Variants in MYCBP2 observed in about 807,000 individuals in gnomAD.
MYCBP2 encodes E3 ubiquitin-protein ligase MYCBP2.
MYCBP2 carries 120 observed loss-of-function variants against 525.3 expected under a neutral mutation model. The ratio of observed to expected loss-of-function variants is 0.23; its 90% CI spans 0.20 to 0.27. MYCBP2 has a LOEUF of 0.27. Ranked by LOEUF, MYCBP2 falls within the 10% of genes least tolerant of loss-of-function variation. The probability of loss-of-function intolerance (pLI) is 1.00; values close to 1 mark genes in which losing one functional copy is unlikely to be tolerated. For missense variants in MYCBP2, 4,149 were observed against 5,657.1 expected (o/e 0.73, Z 8.55); for synonymous variants, 1,894 against 1,955.8 (o/e 0.97, Z 0.83).
chr13:77,160,866 GTCTTT>G (rs1463903260), intron 44 of MYCBP2, among the ~76,000 whole-genome samples: 3 of 152,112 alleles, frequency 2.0e-5, no homozygotes, highest in Non-Finnish European at 4.4e-5. Context: ...CTATTAAAAT[GTCTTT>G]TATTTTATAA....
intron 55 of MYCBP2, among the ~76,000 whole-genome samples, chr13:77,101,705 A>G (rs1236492302): frequency 6.6e-6 from 1 of 152,022 alleles, no homozygotes; most frequent in African/African-American, 2.4e-5. Flanking sequence ...GTATTTCTCA[A>G]ATGATAACTA....
chr13:77,286,389 C>A (rs2154357161), intron 3 of MYCBP2, among the ~76,000 whole-genome samples: 1 of 152,090 alleles, frequency 6.6e-6, no homozygotes, highest in East Asian at 1.9e-4. Flanking sequence ...ATAAAGGCAC[C>A]ATTTAAAAAT....
intron 3 of MYCBP2, among the ~76,000 whole-genome samples, chr13:77,284,281 G>A (rs888133358): frequency 8.6e-5 from 13 of 151,752 alleles, no homozygotes; most frequent in Non-Finnish European, 1.9e-4. Flanking sequence ...CAGGCAAGAA[G>A]GAATGGGACA....
Position 77,053,738 on chromosome 13 carries a change from C to A in MYCBP2, c.13647+1820G>T, listed in dbSNP as rs540347343. On this transcript the variant is annotated intron_variant, in intron 80 of 82. Coordinates refer to ENST00000544440, the MANE Select transcript of MYCBP2 (RefSeq NM_015057.5). ...TATTGGGTGTGCATGTATTTATCTG[C>A]CTTTCTGGCTATCATCTCTCTACTT... Among the ~76,000 whole-genome samples the A allele has an allele frequency of 3.9e-5, 6 of 152,246 alleles. No homozygotes were observed. The East Asian group carries it at 1.2e-3, about 29-fold the overall frequency.
At chr13:77,174,739 T>C (rs2059447312) in intron 36 of MYCBP2, among the ~76,000 whole-genome samples, 1 of 149,590 alleles carries the variant, frequency 6.7e-6, no homozygotes, top group Admixed American at 6.7e-5. Context: ...ATAAGGTAAG[T>C]ATCATTACTA....
chr13:77,133,118 T>C (rs1333074254), intron 52 of MYCBP2, among the ~76,000 whole-genome samples: 2 of 152,154 alleles, frequency 1.3e-5, no homozygotes, highest in African/African-American at 4.8e-5. Context: ...TTTATCCTTA[T>C]CTCTCCACTA....
chr13:77,283,748 G>A (rs1420890286), intron 3 of MYCBP2, among the ~76,000 whole-genome samples: 1 of 151,794 alleles, frequency 6.6e-6, no homozygotes, highest in Non-Finnish European at 1.5e-5. Flanking sequence ...AATACAAAAA[G>A]TATCCTGGGG....
intron 55 of MYCBP2, chr13:77,118,396 A>G: frequency 1.3e-6 from 1 of 764,352 alleles, no homozygotes; most frequent in East Asian, 2.4e-5. Context: ...TGGGCTGTGT[A>G]CTAGGGAAGA....
intron 10 of MYCBP2, among the ~76,000 whole-genome samples, chr13:77,263,255 G>A (rs888041308): frequency 5.9e-5 from 9 of 151,886 alleles, no homozygotes; most frequent in Admixed American, 2.0e-4. Flanking sequence ...AAATTTCAAC[G>A]AGAGAACTAT....
In MYCBP2 at chr13:77,188,995, G is replaced by A. The variant is rs1566863185; in HGVS notation, c.4207C>T (p.Pro1403Ser). The A allele has an allele frequency of 1.9e-6, 3 of 1,611,238 alleles. No homozygotes were observed. Among genetic ancestry groups the A allele is most frequent in the Non-Finnish European group, 1.7e-6 (2 of 1,178,840 alleles). ...ASKGKQQTSEPVHILKRSFAR... is the reference protein window; with the variant it reads ...ASKGKQQTSESVHILKRSFAR... ...AAAGACCTCTTTAAAATGTGTACAGGTTCACTGGTTTGCTGTTTGCCTTTT... is the reference window on the plus strand; with the variant it reads ...AAAGACCTCTTTAAAATGTGTACAGATTCACTGGTTTGCTGTTTGCCTTTT... Residue 1403 changes from proline to serine, a missense_variant, in exon 30 of 83, where the codon CCT becomes TCT. Physicochemically the swap from Pro to Ser is moderately conservative, Grantham distance 74 (BLOSUM62 -1). This residue lies in a region of MYCBP2 where 292 missense variants were observed against 330.5 expected (regional missense o/e 0.88). Coordinates refer to ENST00000544440, the MANE Select transcript of MYCBP2 (RefSeq NM_015057.5).
At chr13:77,167,828 C>G (rs537391753) in intron 40 of MYCBP2, among the ~76,000 whole-genome samples, 53 of 152,258 alleles carry the variant, frequency 3.5e-4, no homozygotes, top group African/African-American at 1.2e-3. Flanking sequence ...GTGCACTGTA[C>G]TAGCTTGTTT....
chr13:77,200,424 C>T (rs1435502887), intron 26 of MYCBP2, among the ~76,000 whole-genome samples: 1 of 151,634 alleles, frequency 6.6e-6, no homozygotes, highest in Admixed American at 6.6e-5. Context: ...GATTGGTGTA[C>T]CTGAAAGTGA....
At chr13:77,238,290 A>T (rs1479250167) in intron 17 of MYCBP2, among the ~76,000 whole-genome samples, 2 of 151,952 alleles carry the variant, frequency 1.3e-5, no homozygotes, top group African/African-American at 4.8e-5. Flanking sequence ...GACACCTATA[A>T]AATGGGACTC....
At position 77,273,582 on chromosome 13, in the gene MYCBP2, A is replaced by C. The variant is rs2075156180; in HGVS notation, c.835T>G (p.Cys279Gly). Reference protein sequence around the residue: ...STGQSLTALSCACLFSLVASW... With the variant: ...STGQSLTALSGACLFSLVASW... The stretch of plus-strand genomic sequence containing the variant: ...GCCACCAGACTAAAGAGGCAAGCAC[A>C]GGAAAGTGCTGTTAAGGACTGTCCT... The change falls in exon 5 of 83, where the codon TGT (cysteine) becomes GGT (glycine). Residue 279 changes from cysteine to glycine, a missense_variant. By Grantham distance (159) the Cys-to-Gly change is radical. Transcript: ENST00000544440. The C allele has an allele frequency of 6.2e-7, 1 of 1,613,772 alleles. No individual in the cohort carries two copies. Among genetic ancestry groups the C allele is most frequent in the Non-Finnish European group, 8.5e-7 (1 of 1,179,838 alleles).
intron 36 of MYCBP2, among the ~76,000 whole-genome samples, chr13:77,175,867 GAATC>G (rs1426694621): frequency 6.6e-6 from 1 of 151,406 alleles, no homozygotes; most frequent in Non-Finnish European, 1.5e-5. Flanking sequence ...TGACACAGGA[GAATC>G]ATTTAAACCC....
chr13:77,220,344 T>C (rs763260697), intron 20 of MYCBP2, among the ~76,000 whole-genome samples: 15 of 152,054 alleles, frequency 9.9e-5, no homozygotes, highest in Non-Finnish European at 2.1e-4. Flanking sequence ...TATCATCAGA[T>C]TATGGATATT....
intron 62 of MYCBP2, among the ~76,000 whole-genome samples, chr13:77,084,617 A>C: frequency 6.6e-6 from 1 of 152,018 alleles, no homozygotes; most frequent in East Asian, 1.9e-4. Flanking sequence ...GTATTCCTTG[A>C]GTATGGTCTT....
chr13:77,191,531 A>T, intron 28 of MYCBP2, 148 bp downstream of exon 28: 1 of 875,468 alleles, frequency 1.1e-6, no homozygotes. Flanking sequence ...ATTTGGCATG[A>T]GGTTACATGA....
At chr13:77,087,431 A>G in intron 62 of MYCBP2, 53 bp downstream of exon 62, 1 of 1,416,174 alleles carries the variant, frequency 7.1e-7, no homozygotes, top group Non-Finnish European at 9.8e-7. Context: ...ATTTGAAGGT[A>G]TACTACCAGT....
Sources: allele counts gnomAD v4.1 joint callset (sites outside exome capture counted in the v4.1 genomes callset), GRCh38; gene constraint gnomAD v4.1.1; regional missense constraint gnomAD v4.1.1; transcripts MANE v1.5; gene names NCBI Gene and HGNC (gene_info 2026-07-23, HGNC 2026-07-21).